RBFOX1: variants seen among roughly 807,000 people sequenced by gnomAD.
RBFOX1 encodes the protein RNA binding protein fox-1 homolog 1.
In RBFOX1, 8 loss-of-function variants were observed where a neutral mutation model predicts 57.7. That is an observed-to-expected ratio of 0.14 (90% CI 0.08 to 0.25). The LOEUF is 0.25. RBFOX1 is among the 10% of genes least tolerant of loss of function. The pLI is 1.00. For synonymous variants in RBFOX1, 326 were observed against 222.4 expected, an observed-to-expected ratio of 1.47 and a Z score of -4.15; for missense variants, 611 against 548.5, an observed-to-expected ratio of 1.11 and a Z score of -1.14.
chr16:7,298,561 G>A (rs1375996036), intron 4 of RBFOX1, among the ~76,000 whole-genome samples: 1 of 151,984 alleles, frequency 6.6e-6, no homozygotes, highest in Non-Finnish European at 1.5e-5. Context: ...CAAAGTGCCG[G>A]GATTACAGGC....
intron 2 of RBFOX1, among the ~76,000 whole-genome samples, chr16:6,619,978 C>T (rs754255980): frequency 2.6e-5 from 4 of 152,210 alleles, no homozygotes; most frequent in East Asian, 1.9e-4. Flanking sequence ...TCTGTTCCTG[C>T]GTTAGTTTGC....
intron 1 of RBFOX1, among the ~76,000 whole-genome samples, chr16:6,211,464 G>A (rs376666539): frequency 2.6e-5 from 4 of 152,062 alleles, no homozygotes; most frequent in East Asian, 3.9e-4. Flanking sequence ...TCCTGACCAC[G>A]TGATCCACCC....
intron 4 of RBFOX1, among the ~76,000 whole-genome samples, chr16:7,053,984 C>T (rs2051024440): frequency 6.6e-6 from 1 of 151,920 alleles, no homozygotes; most frequent in Non-Finnish European, 1.5e-5. Flanking sequence ...TTTCCCTTCC[C>T]ACGTGACTTA....
At chr16:7,473,257 A>C (rs996616859) in intron 4 of RBFOX1, among the ~76,000 whole-genome samples, 1 of 151,912 alleles carries the variant, frequency 6.6e-6, no homozygotes, top group Non-Finnish European at 1.5e-5. Flanking sequence ...GGGTGCCTGT[A>C]ATCCCAGCTA....
intron 4 of RBFOX1, among the ~76,000 whole-genome samples, chr16:7,067,626 G>A (rs927049267): frequency 2.6e-5 from 4 of 151,392 alleles, no homozygotes; most frequent in African/African-American, 9.7e-5. Context: ...TGTTGGTGTG[G>A]TGCACCCATT....
intron 2 of RBFOX1, among the ~76,000 whole-genome samples, chr16:6,352,086 A>T (rs553431546): frequency 6.6e-5 from 10 of 152,292 alleles, no homozygotes; most frequent in East Asian, 1.9e-4. Flanking sequence ...TCACAGATGG[A>T]TAAGGTACAA....
intron 4 of RBFOX1, among the ~76,000 whole-genome samples, chr16:7,463,980 C>A (rs573121972): frequency 1.7e-4 from 26 of 152,272 alleles, no homozygotes; most frequent in African/African-American, 6.0e-4. Context: ...CTGGGTGACT[C>A]AGAAGGAAAG....
At chr16:6,858,844 A>T (rs1160746191) in intron 3 of RBFOX1, among the ~76,000 whole-genome samples, 1 of 151,998 alleles carries the variant, frequency 6.6e-6, no homozygotes, top group South Asian at 2.1e-4. Context: ...CTTCAATTCA[A>T]CATGCAAAAC....
intron 3 of RBFOX1, among the ~76,000 whole-genome samples, chr16:5,799,647 T>C (rs2054994934): frequency 6.6e-6 from 1 of 152,196 alleles, no homozygotes; most frequent in South Asian, 2.1e-4. Context: ...TGTAGGCTCA[T>C]GTGTTCTGAG....
chr16:7,589,400 T>C (rs566476070), intron 7 of RBFOX1, among the ~76,000 whole-genome samples: 2 of 152,338 alleles, frequency 1.3e-5, no homozygotes, highest in Non-Finnish European at 2.9e-5. Context: ...TTTTAAGACA[T>C]CTTCCGTCAT....
intron 2 of RBFOX1, among the ~76,000 whole-genome samples, chr16:6,495,321 G>A (rs576954186): frequency 1.3e-5 from 2 of 152,228 alleles, no homozygotes; most frequent in African/African-American, 2.4e-5. Flanking sequence ...GTTTCACCAT[G>A]TTTTCCAGGC....
intron 2 of RBFOX1, among the ~76,000 whole-genome samples, chr16:6,351,372 A>ATATATT (rs1199701253): frequency 6.9e-5 from 6 of 86,420 alleles, no homozygotes; most frequent in East Asian, 3.3e-4. Context: ...ATATATATAT[A>ATATATT]TTTTTTTTTT....
At chr16:7,165,125 T>C (rs960818095) in intron 4 of RBFOX1, among the ~76,000 whole-genome samples, 5 of 152,212 alleles carry the variant, frequency 3.3e-5, no homozygotes, top group Non-Finnish European at 5.9e-5. Flanking sequence ...TCATCCATTT[T>C]CGCAGGTATC....
intron 2 of RBFOX1, among the ~76,000 whole-genome samples, chr16:6,409,557 C>G (rs774386905): frequency 2.0e-5 from 3 of 152,170 alleles, no homozygotes; most frequent in African/African-American, 4.8e-5. Flanking sequence ...TAATATACCT[C>G]CATGAAAAGT....
intron 2 of RBFOX1, among the ~76,000 whole-genome samples, chr16:5,572,188 C>T (rs2046305624): frequency 6.6e-6 from 1 of 152,162 alleles, no homozygotes; most frequent in African/African-American, 2.4e-5. Flanking sequence ...TGGACACTGT[C>T]CTGGATCAGA....
chr16:6,636,854 TATATA>T (rs2098440066), intron 2 of RBFOX1, among the ~76,000 whole-genome samples: 3 of 125,944 alleles, frequency 2.4e-5, no homozygotes, highest in Non-Finnish European at 4.7e-5. Flanking sequence ...ATATATATAA[TATATA>T]ATATATATTA....
At chr16:7,270,115 G>C (rs376971629) in intron 4 of RBFOX1, among the ~76,000 whole-genome samples, 1 of 152,158 alleles carries the variant, frequency 6.6e-6, no homozygotes, top group Admixed American at 6.5e-5. Flanking sequence ...AATACTTCTC[G>C]TTGAGAGGTG....
chr16:6,034,983 T>A (rs1236839165), intron 1 of RBFOX1, among the ~76,000 whole-genome samples: 1 of 81,426 alleles, frequency 1.2e-5, no homozygotes, highest in East Asian at 2.8e-4. Context: ...TACTATTGAG[T>A]TACAATGAGT....
At chr16:6,241,424 A>G (rs2097539468) in intron 1 of RBFOX1, among the ~76,000 whole-genome samples, 1 of 152,188 alleles carries the variant, frequency 6.6e-6, no homozygotes. Flanking sequence ...TGTCAAAAAT[A>G]ATAAGACTGC....
Sources: gnomAD v4.1 joint callset for allele counts (sites outside exome capture counted in the v4.1 genomes callset) on GRCh38, gnomAD v4.1.1 for gene constraint, MANE v1.5 for transcripts, NCBI Gene and HGNC (gene_info 2026-07-23, HGNC 2026-07-21) for gene names.